The following CNTN3 variants were observed in gnomAD, a reference collection of about 807,000 sequenced individuals.
CNTN3 encodes contactin 3, also known as contactin-3.
CNTN3 carries 60 observed loss-of-function variants against 119.1 expected under a neutral mutation model. That is an observed-to-expected ratio of 0.50 (90% CI 0.41 to 0.62). The LOEUF (loss-of-function observed/expected upper bound fraction) is 0.62, where lower values mean the gene tolerates loss of function less well. Among genes scored for constraint, CNTN3 ranks in the 20% least tolerant of loss-of-function variants. The pLI is 0.00. For synonymous variants in CNTN3, 450 were observed against 438.7 expected, an observed-to-expected ratio of 1.03 and a Z score of -0.32; for missense variants, 1,101 against 1,242.4, an observed-to-expected ratio of 0.89 and a Z score of 1.71.
At chr3:74,334,307 G>T (rs6795336) in intron 13 of CNTN3, among the ~76,000 whole-genome samples, 4,156 of 152,262 alleles carry the variant, frequency 0.027, 213 homozygotes, top group African/African-American at 0.094. Flanking sequence ...TGGTGCAATT[G>T]TGAGGATTAA....
At chr3:74,430,967 C>A (rs776723844) in intron 4 of CNTN3, among the ~76,000 whole-genome samples, 3 of 152,156 alleles carry the variant, frequency 2.0e-5, no homozygotes, top group Admixed American at 1.3e-4. Context: ...GAGCCCATAG[C>A]TCCAGCCACA....
chr3:74,526,365 A>G (rs1290716980), intron 1 of CNTN3, among the ~76,000 whole-genome samples: 1 of 151,792 alleles, frequency 6.6e-6, no homozygotes, highest in Non-Finnish European at 1.5e-5. Flanking sequence ...CCACACTAGC[A>G]TGGTAGTCAA....
At chr3:74,423,105 C>G (rs1256402914) in intron 5 of CNTN3, among the ~76,000 whole-genome samples, 1 of 152,098 alleles carries the variant, frequency 6.6e-6, no homozygotes, top group Non-Finnish European at 1.5e-5. Context: ...GAAGTGCAGT[C>G]AAGAAATACA....
intron 4 of CNTN3, among the ~76,000 whole-genome samples, chr3:74,480,951 T>G (rs1015114420): frequency 6.6e-6 from 1 of 151,162 alleles, no homozygotes; most frequent in Non-Finnish European, 1.5e-5. Context: ...GTTCAACCAA[T>G]CCACGTGAAA....
intron 4 of CNTN3, among the ~76,000 whole-genome samples, chr3:74,441,517 T>C (rs1457642347): frequency 6.6e-6 from 1 of 152,174 alleles, no homozygotes; most frequent in African/African-American, 2.4e-5. Context: ...GGTTGACACA[T>C]GGATACATTA....
chr3:74,562,714 T>A (rs993932429), intron 1 of CNTN3, among the ~76,000 whole-genome samples: 1 of 152,078 alleles, frequency 6.6e-6, no homozygotes, highest in South Asian at 2.1e-4. Flanking sequence ...TAACACACTA[T>A]CAGAATGCTT....
At chr3:74,537,198 A>G (rs1183801235) in intron 1 of CNTN3, among the ~76,000 whole-genome samples, 4 of 152,094 alleles carry the variant, frequency 2.6e-5, no homozygotes, top group Admixed American at 2.0e-4. Flanking sequence ...CTTTCCACCT[A>G]GCCATTTCCA....
At chr3:74,610,056 C>T (rs1705054875) in intron 1 of CNTN3, among the ~76,000 whole-genome samples, 2 of 152,072 alleles carry the variant, frequency 1.3e-5, no homozygotes, top group Non-Finnish European at 2.9e-5. Flanking sequence ...GACTCAGCGG[C>T]TCACACCTAT....
chr3:74,338,480 A>G (rs1381058158), intron 11 of CNTN3, among the ~76,000 whole-genome samples: 2 of 138,052 alleles, frequency 1.4e-5, no homozygotes, highest in Non-Finnish European at 3.1e-5. Context: ...ATATGTGCGT[A>G]TGTGTACACA....
intron 11 of CNTN3, among the ~76,000 whole-genome samples, chr3:74,349,818 A>G (rs1312477868): frequency 1.3e-5 from 2 of 152,234 alleles, no homozygotes; most frequent in Admixed American, 6.5e-5. Context: ...GAAATGCTGT[A>G]TGACCAAAAG....
chr3:74,546,217 G>A (rs774584924), intron 1 of CNTN3, among the ~76,000 whole-genome samples: 8 of 152,006 alleles, frequency 5.3e-5, no homozygotes, highest in East Asian at 1.9e-4. Flanking sequence ...GGATTGTCTC[G>A]ATCTCTTGAC....
At chr3:74,554,473 T>C (rs1319735751) in intron 1 of CNTN3, among the ~76,000 whole-genome samples, 1 of 152,222 alleles carries the variant, frequency 6.6e-6, no homozygotes, top group Non-Finnish European at 1.5e-5. Flanking sequence ...GGTAGCTTGA[T>C]GGGGATAGCA....
intron 4 of CNTN3, among the ~76,000 whole-genome samples, chr3:74,460,903 A>G (rs1358180781): frequency 6.7e-6 from 1 of 148,746 alleles, no homozygotes; most frequent in Non-Finnish European, 1.5e-5. Flanking sequence ...GTGAATATGG[A>G]TATCTCTGCC....
chr3:74,341,124 T>G (rs1213715604), intron 11 of CNTN3, among the ~76,000 whole-genome samples: 1 of 152,204 alleles, frequency 6.6e-6, no homozygotes, highest in East Asian at 1.9e-4. Flanking sequence ...TCTATGTATA[T>G]TGTAAAAATT....
intron 17 of CNTN3, among the ~76,000 whole-genome samples, chr3:74,298,635 G>A (rs1430489044): frequency 6.7e-6 from 1 of 150,362 alleles, no homozygotes; most frequent in Non-Finnish European, 1.5e-5. Context: ...GGTGGCTCAC[G>A]CCTGTAATCC....
chr3:74,486,535 C>A lies in CNTN3; in HGVS notation c.279G>T (p.Trp93Cys). The A allele has an allele frequency of 6.2e-7, 1 of 1,610,050 alleles. No homozygotes were observed. Residue 93 changes from tryptophan (W) to cysteine (C), a missense_variant, in exon 4 of 23, where the codon TGG becomes TGT. Physicochemically the swap from Trp to Cys is radical, Grantham distance 215. Coordinates refer to ENST00000263665, the MANE Select transcript of CNTN3 (RefSeq NM_020872.3). The stretch of plus-strand genomic sequence containing the variant: ...CAAAACATTGGTAAGTTCCTGTATC[C>A]CAATTTCTGTTGGGATTAATAACCA... ...NLVVINPNRN[W>C]DTGTYQCFAT...
intron 4 of CNTN3, among the ~76,000 whole-genome samples, chr3:74,452,841 C>T (rs36152398): frequency 0.19 from 29,240 of 151,702 alleles, 3,021 homozygotes; most frequent in Admixed American, 0.26. Flanking sequence ...TATACTGAAC[C>T]AGCCTTGCAT....
chr3:74,529,836 A>C (rs1243783936), intron 1 of CNTN3, among the ~76,000 whole-genome samples: 1 of 152,002 alleles, frequency 6.6e-6, no homozygotes, highest in Non-Finnish European at 1.5e-5. Context: ...AACTGTGCAC[A>C]CTAGCCCAGA....
chr3:74,520,967 G>C (rs1310421978), intron 2 of CNTN3, 91 bp downstream of exon 2: 1 of 613,166 alleles, frequency 1.6e-6, no homozygotes, highest in East Asian at 3.2e-5. Context: ...TGCTACTGGT[G>C]GAGTTTTATT....
Sources: allele counts gnomAD v4.1 joint callset (sites outside exome capture counted in the v4.1 genomes callset), GRCh38; gene constraint gnomAD v4.1.1; transcripts MANE v1.5; gene names NCBI Gene and HGNC (gene_info 2026-07-23, HGNC 2026-07-21).